The following DIAPH1 variants were observed in gnomAD, a reference collection of about 807,000 sequenced individuals.
DIAPH1 encodes the protein diaphanous related formin 1, also known as protein diaphanous homolog 1.
In DIAPH1, 46 loss-of-function variants were observed where a neutral mutation model predicts 140.7. The ratio of observed to expected loss-of-function variants is 0.33; its 90% CI spans 0.26 to 0.42. The LOEUF (loss-of-function observed/expected upper bound fraction) is 0.42, where lower values mean the gene tolerates loss of function less well. Ranked by LOEUF, DIAPH1 falls within the 10% of genes least tolerant of loss-of-function variation. DIAPH1 has a pLI of 1.00. For synonymous variants in DIAPH1, 565 were observed against 551.6 expected (o/e 1.02, Z -0.34); for missense variants, 1,310 against 1,558.7 (o/e 0.84, Z 2.69).
At position 141,582,377 on chromosome 5, in the gene DIAPH1, T is replaced by C. The variant is rs2099896905; in HGVS notation, c.621-2A>G. Reference sequence around the variant, plus strand: ...TGCTTGTTCCGGCTATCGTAACTCCTGTATATAGAAGACATAATCAGTGAG... The same window carrying C: ...TGCTTGTTCCGGCTATCGTAACTCCCGTATATAGAAGACATAATCAGTGAG... On this transcript the variant is annotated splice_acceptor_variant, in intron 6 of 27. Coordinates refer to ENST00000389054, the MANE Select transcript of DIAPH1 (RefSeq NM_005219.5). LOFTEE classifies it high-confidence loss of function. 4 of 1,609,784 alleles carry C rather than the reference T, an allele frequency of 2.5e-6. No individual in the cohort carries two copies. Among genetic ancestry groups the C allele is most frequent in the Non-Finnish European group, 3.4e-6 (4 of 1,176,062 alleles).
intron 26 of DIAPH1, chr5:141,524,910 G>T (rs1242931200): frequency 6.4e-6 from 1 of 156,366 alleles, no homozygotes; most frequent in African/African-American, 2.4e-5. Flanking sequence ...TGCTGGCTGA[G>T]CATCACCAGT....
chr5:141,515,303 C>T lies in DIAPH1; in HGVS notation c.*1548G>A, dbSNP rs573751591. 13 of 152,400 alleles carry T rather than the reference C, an allele frequency of 8.5e-5. No homozygotes were observed. The highest frequency in any genetic ancestry group is 3.1e-4 in the African/African-American group (13 of 41,566). The allele number at this position is 152,400 out of a possible 1,614,324, so 9.4% of individuals were successfully genotyped here. On this transcript the variant is annotated 3_prime_UTR_variant, in exon 28 of 28. Transcript: ENST00000389054. ...ATAGTCCAAAGGAGCTGCTCTTGCC[C>T]CTTTATACACAAGCGCCAGCAACCA...
chr5:141,582,387 A>C lies in DIAPH1; in HGVS notation c.621-12T>G. The C allele has an allele frequency of 6.3e-7, 1 of 1,598,272 alleles. No individual in the cohort carries two copies. Among genetic ancestry groups the C allele is most frequent in the Middle Eastern group, 1.7e-4 (1 of 6,034 alleles). On this transcript the variant is annotated splice_polypyrimidine_tract_variant and intron_variant, in intron 6 of 27. Transcript: ENST00000389054. Reference sequence around the variant, plus strand: ...GGCTATCGTAACTCCTGTATATAGAAGACATAATCAGTGAGGTCCCTTTAT... The same window carrying C: ...GGCTATCGTAACTCCTGTATATAGACGACATAATCAGTGAGGTCCCTTTAT...
intron 1 of DIAPH1, among the ~76,000 whole-genome samples, chr5:141,596,398 G>A (rs776295367): frequency 6.6e-5 from 10 of 152,146 alleles, no homozygotes; most frequent in Admixed American, 2.0e-4. Flanking sequence ...ACCTACTCAG[G>A]AGGCTGAGGT....
At chr5:141,570,537 C>A (rs567813915) in intron 18 of DIAPH1, among the ~76,000 whole-genome samples, 1 of 152,210 alleles carries the variant, frequency 6.6e-6, no homozygotes, top group South Asian at 2.1e-4. Flanking sequence ...GCCACCAAGG[C>A]ACCTCACAAT....
intron 18 of DIAPH1, among the ~76,000 whole-genome samples, chr5:141,552,184 G>A (rs962908981): frequency 1.3e-5 from 2 of 151,348 alleles, no homozygotes; most frequent in African/African-American, 4.9e-5. Flanking sequence ...ATCACAAGTT[G>A]TTTTTGTTGT....
chr5:141,539,317 G>T (rs532357672), intron 18 of DIAPH1, among the ~76,000 whole-genome samples: 1 of 151,416 alleles, frequency 6.6e-6, no homozygotes, highest in Admixed American at 6.6e-5. Flanking sequence ...TTTCTTGGAA[G>T]AGTTTGCAAA....
Position 141,580,865 on chromosome 5 carries a change from A to T in DIAPH1, c.703T>A (p.Leu235Met). The T allele has an allele frequency of 6.2e-7, 1 of 1,614,184 alleles. No individual in the cohort carries two copies. The highest frequency in any genetic ancestry group is 8.5e-7 in the Non-Finnish European group (1 of 1,180,024). ...MNNKFGIKTM[L>M]ETEEGILLLV... ...AGTAGGATTCCTTCTTCTGTCTCCA[A>T]CATGGTCTTGATTCCAAACTGGTAG... is the stretch of plus-strand genomic sequence containing the variant. The change falls in exon 8 of 28, where the codon TTG becomes ATG. Residue 235 changes from leucine (L) to methionine (M), a missense_variant. By Grantham distance (15) the Leu-to-Met change is conservative. This residue lies in a region of DIAPH1 where 377 missense variants were observed against 497.1 expected (regional missense o/e 0.76). Transcript: ENST00000389054.
intron 18 of DIAPH1, among the ~76,000 whole-genome samples, chr5:141,545,207 A>G (rs976287294): frequency 7.9e-5 from 12 of 152,232 alleles, no homozygotes; most frequent in Non-Finnish European, 1.3e-4. Flanking sequence ...AGTGACTGTG[A>G]TTATATGGCC....
Position 141,575,130 on chromosome 5 carries a change from G to A in DIAPH1, c.1478C>T (p.Thr493Ile). The A allele has an allele frequency of 6.2e-7, 1 of 1,614,210 alleles. No individual in the cohort carries two copies. Among genetic ancestry groups the A allele is most frequent in the Non-Finnish European group, 8.5e-7 (1 of 1,180,046 alleles). Reference sequence around the variant, plus strand: ...TTCCACCTGTAGCTCATGTCGGGCTGTTAACTCTGAGTCCAACTAGAGAAA... The same window carrying A: ...TTCCACCTGTAGCTCATGTCGGGCTATTAACTCTGAGTCCAACTAGAGAAA... ...ELEKKLDSEL[T>I]ARHELQVEMK... is the part of the protein sequence containing the mutation. Residue 493 changes from threonine to isoleucine, a missense_variant, in exon 15 of 28, where the codon ACA becomes ATA. Thr to Ile is a moderately conservative substitution (Grantham distance 89). Coordinates refer to ENST00000389054, the MANE Select transcript of DIAPH1 (RefSeq NM_005219.5).
chr5:141,597,985 C>T (rs540441464), intron 1 of DIAPH1, among the ~76,000 whole-genome samples: 2 of 152,316 alleles, frequency 1.3e-5, no homozygotes, highest in South Asian at 2.1e-4. Flanking sequence ...TTGGCCCTCA[C>T]TGCAGGCCTG....
rs773202771 is a variant in DIAPH1 at position 141,584,181 on chromosome 5, C to A, written c.345G>T (p.Glu115Asp). The change falls in exon 4 of 28, where the codon GAG (glutamate) becomes GAT (aspartate). Residue 115 changes from glutamate to aspartate, a missense_variant. By Grantham distance (45) the Glu-to-Asp change is conservative. Transcript: ENST00000389054. ...TCTCCCTCTTGATGATGATGTCCTT[C>A]TCCCTCAAAGGTTGCTGTTTCTCCT... ...LNEEKQQPLR[E>D]KDIIIKREMV... 1 of 1,613,632 alleles carries A rather than the reference C, an allele frequency of 6.2e-7. No homozygotes were observed. Among genetic ancestry groups the A allele is most frequent in the South Asian group, 1.1e-5 (1 of 91,018 alleles).
intron 1 of DIAPH1, 49 bp downstream of exon 1, chr5:141,618,727 CAGGGGCCGGCTGCAGGGGTCCA>C: frequency 8.6e-7 from 1 of 1,169,326 alleles, no homozygotes; most frequent in Non-Finnish European, 1.2e-6. Context: ...GCAGGCGCCC[CAGGGGCCGGCTGCAGGGGTCCA>C]GAGGGCGGTT....
chr5:141,583,697 A>G, intron 4 of DIAPH1, 82 bp from the exon 5 acceptor site: 1 of 1,565,388 alleles, frequency 6.4e-7, no homozygotes, highest in South Asian at 1.1e-5. Flanking sequence ...TAGAGTTTAT[A>G]CTTTATTTTT....
chr5:141,585,102 G>A (rs974409558), intron 3 of DIAPH1, among the ~76,000 whole-genome samples: 2 of 151,970 alleles, frequency 1.3e-5, no homozygotes, highest in African/African-American at 2.4e-5. Flanking sequence ...GATTACAGGC[G>A]CCCGCCACCA....
intron 18 of DIAPH1, among the ~76,000 whole-genome samples, chr5:141,553,461 G>A (rs1472460734): frequency 2.0e-5 from 3 of 152,044 alleles, no homozygotes; most frequent in Non-Finnish European, 4.4e-5. Flanking sequence ...CCAACATGGC[G>A]AAACCCCAAC....
intron 1 of DIAPH1, among the ~76,000 whole-genome samples, chr5:141,609,455 G>A (rs1403900740): frequency 6.6e-6 from 1 of 152,196 alleles, no homozygotes; most frequent in Admixed American, 6.5e-5. Flanking sequence ...CTAGGCCTAG[G>A]TTTGAATCCT....
At chr5:141,607,016 C>T (rs2099901086) in intron 1 of DIAPH1, among the ~76,000 whole-genome samples, 1 of 148,822 alleles carries the variant, frequency 6.7e-6, no homozygotes, top group African/African-American at 2.5e-5. Context: ...AAAAGATTCC[C>T]AAGGTTAACA....
At chr5:141,551,664 A>G (rs939100765) in intron 18 of DIAPH1, among the ~76,000 whole-genome samples, 1 of 152,212 alleles carries the variant, frequency 6.6e-6, no homozygotes, top group Non-Finnish European at 1.5e-5. Flanking sequence ...ATATAAAAAA[A>G]TCAAAAGAAA....
Sources: allele counts gnomAD v4.1 joint callset (sites outside exome capture counted in the v4.1 genomes callset), GRCh38; gene constraint gnomAD v4.1.1; regional missense constraint gnomAD v4.1.1; transcripts MANE v1.5; gene names NCBI Gene and HGNC (gene_info 2026-07-23, HGNC 2026-07-21).